Variants in SLC6A12 observed in about 807,000 individuals in gnomAD.
SLC6A12 encodes solute carrier family 6 member 12, also known as sodium- and chloride-dependent betaine transporter.
Under a neutral mutation model 73.3 loss-of-function variants are expected in SLC6A12, and 50 were observed. The observed-to-expected ratio is 0.68, with a 90% CI of 0.54 to 0.86. SLC6A12 has a LOEUF of 0.86. Among genes scored for constraint, SLC6A12 ranks in the 40% least tolerant of loss-of-function variants. The probability of loss-of-function intolerance (pLI) is 0.00; values close to 1 mark genes in which losing one functional copy is unlikely to be tolerated. For synonymous variants in SLC6A12, 304 were observed against 309.2 expected (o/e 0.98, Z 0.18); for missense variants, 648 against 772.8 (o/e 0.84, Z 1.92).
chr12:198,289 C>T lies in SLC6A12; in HGVS notation c.847-286G>A, dbSNP rs1231900393. Among the ~76,000 whole-genome samples the T allele has an allele frequency of 6.6e-6, 1 of 152,228 alleles. No homozygotes were observed. The highest frequency in any genetic ancestry group is 6.5e-5 in the Admixed American group (1 of 15,290). On this transcript the variant is annotated intron_variant, in intron 8 of 15. Coordinates refer to ENST00000684302, the MANE Select transcript of SLC6A12 (RefSeq NM_001122848.3). This position sits in a 1 kb window ranked among gnomAD's most constrained non-coding sequence, Gnocchi z 4.0. ...GGAATCTACAAACCATGGCTGCACC[C>T]AAGGCCTATCTGCAGGGCACAGCCA...
rs757555793 is a variant in SLC6A12, at chr12:204,713, G to A, written c.215-15C>T. ...GAAGAAGGCTCCTGCAGAAGAGAGA[G>A]AGGCAGGGCTGAGCCACACCCGGGC... On this transcript the variant is annotated splice_polypyrimidine_tract_variant and intron_variant, in intron 3 of 15. Coordinates refer to ENST00000684302, the MANE Select transcript of SLC6A12 (RefSeq NM_001122848.3). 1.9e-6 allele frequency: 3 copies of A among 1,613,580 alleles called. No individual in the cohort carries two copies. The highest frequency in any genetic ancestry group is 8.5e-7 in the Non-Finnish European group (1 of 1,179,936).
Position 202,807 on chromosome 12 carries a change from G to A in SLC6A12, c.423C>T (p.Leu141=). The change falls in exon 5 of 16, where the codon CTC becomes CTT. Residue 141 remains leucine, a synonymous_variant. Transcript: ENST00000684302. Reference sequence around the variant, plus strand: ...AAGTGAAGGAGCTGAACAGGTAGAAGAGAGCCCAGGCAAGGATGATGATGT... The same window carrying A: ...AAGTGAAGGAGCTGAACAGGTAGAAAAGAGCCCAGGCAAGGATGATGATGT... The part of the protein sequence containing the change: ...VYYIIILAWA[L]FYLFSSFTSE... 11 of 1,614,012 alleles carry A rather than the reference G, an allele frequency of 6.8e-6. No individual in the cohort carries two copies. Among genetic ancestry groups the A allele is most frequent in the Non-Finnish European group, 9.3e-6 (11 of 1,179,900 alleles).
At chr12:200,255 C>CA in intron 7 of SLC6A12, among the ~76,000 whole-genome samples, 1 of 150,838 alleles carries the variant, frequency 6.6e-6, no homozygotes, top group East Asian at 1.9e-4. Context: ...ACTACAGGTG[C>CA]CCACCACCAC....
downstream of SLC6A12, among the ~76,000 whole-genome samples, chr12:185,993 G>A (rs1302050048): frequency 6.6e-6 from 1 of 152,210 alleles, no homozygotes; most frequent in Non-Finnish European, 1.5e-5. Flanking sequence ...CTGGGCATGC[G>A]AGCACGGAGG....
chr12:204,816 C>G, intron 3 of SLC6A12, 118 bp from the exon 4 acceptor site: 1 of 1,186,058 alleles, frequency 8.4e-7, no homozygotes, highest in Non-Finnish European at 1.2e-6. Flanking sequence ...TAATCTCCCT[C>G]CTGACACTTT....
chr12:197,188 TC>T (rs1939955934), intron 10 of SLC6A12, among the ~76,000 whole-genome samples, 188 bp downstream of exon 10: 1 of 55,172 alleles, frequency 1.8e-5, no homozygotes, highest in Non-Finnish European at 4.3e-5. Flanking sequence ...CATCCATCCA[TC>T]CATCCATTCA....
intron 15 of SLC6A12, 110 bp downstream of exon 15, chr12:192,368 C>A: frequency 1.1e-6 from 1 of 912,322 alleles, no homozygotes; most frequent in East Asian, 2.4e-5. Context: ...AAGGGCTGCC[C>A]CACACTCAGA....
downstream of SLC6A12, among the ~76,000 whole-genome samples, chr12:186,626 C>A (rs962317089): frequency 6.6e-6 from 1 of 152,202 alleles, no homozygotes; most frequent in African/African-American, 2.4e-5. Flanking sequence ...CTGCTGTTGA[C>A]CATTAGTGGG....
intron 3 of SLC6A12, 80 bp from the exon 4 acceptor site, chr12:204,778 A>G (rs1940541708): frequency 3.3e-6 from 5 of 1,504,592 alleles, no homozygotes; most frequent in Non-Finnish European, 4.5e-6. Context: ...TCCTCCCCCA[A>G]CAAACCCGCC....
chr12:194,937 A>T (rs12318158), intron 13 of SLC6A12, among the ~76,000 whole-genome samples: 5,213 of 152,322 alleles, frequency 0.034, 172 homozygotes, highest in South Asian at 0.16. Flanking sequence ...ACAGGGCCTC[A>T]GGCCACCTCC....
intron 2 of SLC6A12, chr12:210,689 C>G (rs74995279): frequency 6.6e-6 from 1 of 152,524 alleles, no homozygotes; most frequent in Non-Finnish European, 1.5e-5. Flanking sequence ...TCTGTTGTAT[C>G]TCTGTCCTGA....
At chr12:212,661 C>T (rs1214519489) in intron 1 of SLC6A12, among the ~76,000 whole-genome samples, 3 of 152,176 alleles carry the variant, frequency 2.0e-5, no homozygotes, top group African/African-American at 7.2e-5. Flanking sequence ...AGGGAACACG[C>T]TTAAACTGCA....
At position 195,259 on chromosome 12, in the gene SLC6A12, T is replaced by G; in HGVS notation, c.1395A>C (p.Ser465=). 6.4e-7 allele frequency: 1 copy of G among 1,566,626 alleles called. No individual in the cohort carries two copies. Among genetic ancestry groups the G allele is most frequent in the Non-Finnish European group, 8.7e-7 (1 of 1,150,348 alleles). ...ASSGICLLFL[S]LFEVVCISWV... ...AGCTTATGCAGACCACTTCAAACAA[T>G]GACAGGAACAGCAGGCATATGCCAC... Residue 465 remains serine (S), a synonymous_variant, in exon 13 of 16, where the codon TCA becomes TCC. Coordinates refer to ENST00000684302, the MANE Select transcript of SLC6A12 (RefSeq NM_001122848.3).
At chr12:187,046 T>C (rs1048995588), downstream of SLC6A12, among the ~76,000 whole-genome samples, 7 of 152,212 alleles carry the variant, frequency 4.6e-5, no homozygotes, top group African/African-American at 1.7e-4. Flanking sequence ...AAAGCGAATA[T>C]GTGAGAAAAC....
Position 204,662 on chromosome 12 carries a change from A to C in SLC6A12, c.251T>G (p.Val84Gly). Reference sequence around the variant, plus strand: ...CAGGAAGAACACCGGGATGCCGCAGACAAAGAAGAAGATGAAGTAGGGGAT... The same window carrying C: ...CAGGAAGAACACCGGGATGCCGCAGCCAAAGAAGAAGATGAAGTAGGGGAT... Reference protein sequence around the residue: ...FFIPYFIFFFVCGIPVFFLEV... With the variant: ...FFIPYFIFFFGCGIPVFFLEV... Residue 84 changes from valine (V) to glycine (G), a missense_variant, in exon 4 of 16, where the codon GTC becomes GGC. By Grantham distance (109) the Val-to-Gly change is moderately radical (BLOSUM62 -3). Transcript: ENST00000684302. 6.2e-7 allele frequency: 1 copy of C among 1,614,204 alleles called. No individual in the cohort carries two copies. The highest frequency in any genetic ancestry group is 1.1e-5 in the South Asian group (1 of 91,086).
intron 7 of SLC6A12, among the ~76,000 whole-genome samples, chr12:199,365 T>C (rs1489938770): frequency 6.6e-6 from 1 of 152,238 alleles, no homozygotes; most frequent in African/African-American, 2.4e-5. Context: ...ATCTGGTCTT[T>C]CTTAATCCTT....
the SLC6A12 span, among the ~76,000 whole-genome samples, chr12:184,606 C>T: frequency 1.3e-4 from 19 of 151,980 alleles, no homozygotes; most frequent in East Asian, 7.7e-4. Flanking sequence ...AAAAATTAGC[C>T]GGGCGTGGTG....
downstream of SLC6A12, among the ~76,000 whole-genome samples, chr12:188,895 C>T (rs544268111): frequency 6.8e-6 from 1 of 147,010 alleles, no homozygotes; most frequent in South Asian, 2.4e-4. Flanking sequence ...CCATCCAGAT[C>T]CCTTTGGACT....
At chr12:187,318 G>A (rs189025540), downstream of SLC6A12, among the ~76,000 whole-genome samples, 6 of 152,184 alleles carry the variant, frequency 3.9e-5, no homozygotes, top group East Asian at 9.7e-4. Context: ...GGCGTGTCCG[G>A]AGTTTGTTCC....
Sources: allele counts gnomAD v4.1 joint callset (sites outside exome capture counted in the v4.1 genomes callset), GRCh38; gene constraint gnomAD v4.1.1; non-coding constraint Gnocchi (gnomAD v3.1); transcripts MANE v1.5; gene names NCBI Gene and HGNC (gene_info 2026-07-23, HGNC 2026-07-21).